The following ZNF341 variants were observed in gnomAD, a reference collection of about 807,000 sequenced individuals.
ZNF341 encodes zinc finger protein 341.
A neutral mutation model predicts 87.7 loss-of-function variants in ZNF341; 52 were observed. The ratio of observed to expected loss-of-function variants is 0.59; its 90% CI spans 0.47 to 0.75. The LOEUF (loss-of-function observed/expected upper bound fraction) is 0.75, where lower values mean the gene tolerates loss of function less well. Ranked by LOEUF, ZNF341 falls within the 30% of genes least tolerant of loss-of-function variation. The probability of loss-of-function intolerance (pLI) is 0.00; values close to 1 mark genes in which losing one functional copy is unlikely to be tolerated. For missense variants in ZNF341, 977 were observed against 1,145.9 expected (o/e 0.85, Z 2.13); for synonymous variants, 459 against 472.7 (o/e 0.97, Z 0.38).
chr20:33,791,040 C>G lies in ZNF341; in HGVS notation c.2088C>G (p.Ala696=), dbSNP rs138527484. ...ALCSKSFSRR[A]HLAEHQRAHT... ...GCAGCAAGTCCTTCAGCCGCCGTGCCCACCTCGCCGAGCATCAGCGCGCCC... is the reference window on the plus strand; with the variant it reads ...GCAGCAAGTCCTTCAGCCGCCGTGCGCACCTCGCCGAGCATCAGCGCGCCC... The change falls in exon 15 of 15, where the codon GCC becomes GCG. Residue 696 remains alanine, a synonymous_variant. Transcript: ENST00000375200. 6.2e-7 allele frequency: 1 copy of G among 1,613,574 alleles called. No homozygotes were observed. The highest frequency in any genetic ancestry group is 1.1e-5 in the South Asian group (1 of 91,072).
intron 10 of ZNF341, among the ~76,000 whole-genome samples, chr20:33,777,133 G>GTGAAATTC (rs2019642493): frequency 7.6e-6 from 1 of 131,820 alleles, no homozygotes. Flanking sequence ...GGACTACGTG[G>GTGAAATTC]CAAAACCCCG....
intron 3 of ZNF341, 112 bp downstream of exon 3, chr20:33,745,411 C>T (rs1167238800): frequency 1.8e-6 from 2 of 1,100,082 alleles, no homozygotes; most frequent in Non-Finnish European, 2.6e-6. Context: ...AGTCCCTGCC[C>T]TTGTGGAGTG....
chr20:33,770,338 G>GC, intron 10 of ZNF341, 46 bp downstream of exon 10: 7 of 491,748 alleles, frequency 1.4e-5, no homozygotes, highest in Non-Finnish European at 2.5e-5. Flanking sequence ...GGGTGGGTGG[G>GC]CAGGGAGCCC....
At chr20:33,784,795 T>C (rs1263390822) in intron 12 of ZNF341, among the ~76,000 whole-genome samples, 1 of 151,994 alleles carries the variant, frequency 6.6e-6, no homozygotes, top group African/African-American at 2.4e-5. Context: ...TTTGTATTTT[T>C]AGTAGAAACA....
At chr20:33,768,401 G>A (rs1438243682) in intron 9 of ZNF341, among the ~76,000 whole-genome samples, 3 of 151,400 alleles carry the variant, frequency 2.0e-5, no homozygotes, top group Non-Finnish European at 2.9e-5. Context: ...GGGATTACAG[G>A]TGTGAGCCAC....
chr20:33,768,533 C>A (rs112967671), intron 9 of ZNF341, among the ~76,000 whole-genome samples: 5,542 of 152,130 alleles, frequency 0.036, 320 homozygotes, highest in African/African-American at 0.13. Context: ...AGGGATTCTC[C>A]TGCCTCAGCC....
chr20:33,758,483 G>A (rs1166555055), intron 6 of ZNF341, among the ~76,000 whole-genome samples: 1 of 152,176 alleles, frequency 6.6e-6, no homozygotes, highest in East Asian at 1.9e-4. Flanking sequence ...TTTGATTGTA[G>A]GGCAGAGGGG....
chr20:33,764,555 ATATATATTTTTTTTTTT>A (rs2019362068), intron 8 of ZNF341, among the ~76,000 whole-genome samples: 1 of 60,846 alleles, frequency 1.6e-5, no homozygotes, highest in Non-Finnish European at 2.7e-5. Context: ...ATATATATAT[ATATATATTTTTTTTTTT>A]TTTTTTTTTT....
intron 12 of ZNF341, 111 bp from the exon 13 acceptor site, chr20:33,788,752 C>T (rs12386257): frequency 1.2e-6 from 1 of 805,240 alleles, no homozygotes; most frequent in Non-Finnish European, 2.2e-6. Flanking sequence ...ATTTTCTCCC[C>T]TGGCCACCTC....
Position 33,770,087 on chromosome 20 carries a change from T to C in ZNF341, c.1417T>C (p.Tyr473His). 1 of 1,612,982 alleles carries C rather than the reference T, an allele frequency of 6.2e-7. No homozygotes were observed. Among genetic ancestry groups the C allele is most frequent in the Non-Finnish European group, 8.5e-7 (1 of 1,179,346 alleles). The change falls in exon 10 of 15, where the codon TAC becomes CAC. Residue 473 changes from tyrosine to histidine, a missense_variant. Tyr to His is a moderately conservative substitution (Grantham distance 83). Transcript: ENST00000375200. Reference sequence around the variant, plus strand: ...CTGCCCAGCGTCTTCCCTCAAGGTGTACAAGTGTGTGGTCAAAAGCTGTGC... The same window carrying C: ...CTGCCCAGCGTCTTCCCTCAAGGTGCACAAGTGTGTGGTCAAAAGCTGTGC... ...HMTQHKNEQV[Y>H]KCVVKSCAQT...
chr20:33,757,410 G>A, intron 6 of ZNF341, 67 bp downstream of exon 6: 1 of 1,332,814 alleles, frequency 7.5e-7, no homozygotes, highest in East Asian at 2.8e-5. Flanking sequence ...ACTTGGTTCT[G>A]GTCTTCCCTT....
At chr20:33,750,906 C>CCTGG (rs2019041435) in intron 4 of ZNF341, among the ~76,000 whole-genome samples, 1 of 151,994 alleles carries the variant, frequency 6.6e-6, no homozygotes, top group Non-Finnish European at 1.5e-5. Flanking sequence ...CTCCCAAAGT[C>CCTGG]CTGGGATTAC....
At chr20:33,784,645 C>T (rs2019816803) in intron 12 of ZNF341, among the ~76,000 whole-genome samples, 2 of 149,998 alleles carry the variant, frequency 1.3e-5, no homozygotes, top group South Asian at 4.2e-4. Context: ...GACAAAGTCT[C>T]GCTCTTGTTG....
intron 12 of ZNF341, chr20:33,786,945 G>A (rs2019877877): frequency 7.0e-6 from 1 of 143,522 alleles, no homozygotes; most frequent in Non-Finnish European, 1.5e-5. Flanking sequence ...TCCAGCCTGG[G>A]CAACAGAGCA....
At chr20:33,781,226 G>A in intron 10 of ZNF341, 65 bp from the exon 11 acceptor site, 1 of 1,265,024 alleles carries the variant, frequency 7.9e-7, no homozygotes, top group Non-Finnish European at 1.2e-6. Flanking sequence ...CCCTGGGGTG[G>A]CCGGGGCGCT....
chr20:33,759,528 C>T (rs898892356), intron 7 of ZNF341, among the ~76,000 whole-genome samples: 2 of 152,166 alleles, frequency 1.3e-5, no homozygotes, highest in Admixed American at 1.3e-4. Flanking sequence ...AGGTGATCCA[C>T]CCGCCTCGGC....
rs367848882 is a variant in ZNF341, at chr20:33,758,807, G to A, written c.1028+1G>A. 1.9e-6 allele frequency: 3 copies of A among 1,613,588 alleles called. No individual in the cohort carries two copies. The highest frequency in any genetic ancestry group is 2.5e-6 in the Non-Finnish European group (3 of 1,179,790). On this transcript the variant is annotated splice_donor_variant, in intron 7 of 14. Coordinates refer to ENST00000375200, the MANE Select transcript of ZNF341 (RefSeq NM_001282933.2). LOFTEE classifies it high-confidence loss of function. ...TTGACCTGCAGCAGCACATCCGAAG[G>A]TACACATGCGTGGTGAGGCAGGTGG...
Position 33,791,417 on chromosome 20 carries a change from A to G in ZNF341, c.2465A>G (p.Glu822Gly). 6.2e-7 allele frequency: 1 copy of G among 1,611,826 alleles called. No homozygotes were observed. Among genetic ancestry groups the G allele is most frequent in the Non-Finnish European group, 8.5e-7 (1 of 1,179,684 alleles). ...GAGCTGGTGGTACCTGGACACGCTG[A>G]GGGGCTGGGCTCCAACCTGGCTCTG... is the stretch of plus-strand genomic sequence containing the variant. ...ETELVVPGHA[E>G]GLGSNLALAE... The change falls in exon 15 of 15, where the codon GAG becomes GGG. Residue 822 changes from glutamate (E) to glycine (G), a missense_variant. Physicochemically the swap from Glu to Gly is moderately conservative, Grantham distance 98. Coordinates refer to ENST00000375200, the MANE Select transcript of ZNF341 (RefSeq NM_001282933.2).
intron 4 of ZNF341, chr20:33,752,046 C>T (rs1052050892): frequency 5.3e-6 from 2 of 379,000 alleles, no homozygotes; most frequent in African/African-American, 4.2e-5. Flanking sequence ...GCCTTATCAA[C>T]AAAGGAGATG....
Sources: allele counts gnomAD v4.1 joint callset (sites outside exome capture counted in the v4.1 genomes callset), GRCh38; gene constraint gnomAD v4.1.1; transcripts MANE v1.5; gene names NCBI Gene and HGNC (gene_info 2026-07-23, HGNC 2026-07-21).